Variants in FAM227A observed in about 807,000 individuals in gnomAD.
FAM227A encodes protein FAM227A.
A neutral mutation model predicts 74.7 loss-of-function variants in FAM227A; 80 were observed. That is an observed-to-expected ratio of 1.07 (90% CI 0.89 to 1.29). FAM227A has a LOEUF of 1.29. Ranked by LOEUF, FAM227A falls within the 50% of genes most tolerant of loss-of-function variation. The pLI, the probability that FAM227A is intolerant of heterozygous loss-of-function variation, is 0.00. For missense variants in FAM227A, 654 were observed against 683.4 expected, an observed-to-expected ratio of 0.96 and a Z score of 0.48; for synonymous variants, 237 against 241.8, an observed-to-expected ratio of 0.98 and a Z score of 0.19.
chr22:38,628,209 T>A (rs1180018053), intron 8 of FAM227A, 29 bp downstream of exon 8: 1 of 1,351,482 alleles, frequency 7.4e-7, no homozygotes, highest in Non-Finnish European at 1.0e-6. Context: ...CTAATGTGAC[T>A]TTTTTTCTAG....
rs1350488237 is a variant in FAM227A at position 38,607,475 on chromosome 22, G to A, written c.1040C>T (p.Ser347Phe). 3.9e-6 allele frequency: 6 copies of A among 1,543,724 alleles called. No individual in the cohort carries two copies. The highest frequency in any genetic ancestry group is 4.4e-6 in the Non-Finnish European group (5 of 1,139,958). Reference protein sequence around the residue: ...AQSRKFYHPQSSSANSPSEKT... With the variant: ...AQSRKFYHPQFSSANSPSEKT... Reference sequence around the variant, plus strand: ...TTCACTGGGTGAATTTGCACTAGAAGACTTCAGGAGACAAGAGAGAGAAAG... The same window carrying A: ...TTCACTGGGTGAATTTGCACTAGAAAACTTCAGGAGACAAGAGAGAGAAAG... The change falls in exon 12 of 17, where the codon TCT (serine) becomes TTT (phenylalanine). Residue 347 changes from serine to phenylalanine, a missense_variant and splice_region_variant. Physicochemically the swap from Ser to Phe is radical, Grantham distance 155. Coordinates refer to ENST00000535113, the MANE Select transcript of FAM227A (RefSeq NM_001013647.2).
rs1384689186 is a variant in FAM227A at position 38,638,817 on chromosome 22, T to A, written c.301A>T (p.Arg101Ter). 1 of 1,533,480 alleles carries A rather than the reference T, an allele frequency of 6.5e-7. No homozygotes were observed. Among genetic ancestry groups the A allele is most frequent in the Non-Finnish European group, 8.8e-7 (1 of 1,140,154 alleles). 95.0% of individuals were successfully genotyped at this position (1,533,480 alleles called of 1,614,324 possible). A position where few individuals can be genotyped will look rare whatever the true frequency, so the allele number is the denominator to read the frequency against. The change falls in exon 5 of 17, where the codon AGA becomes TGA. Residue 101 changes from arginine to a stop codon, truncating the protein, a stop_gained. Transcript: ENST00000535113. LOFTEE classifies it high-confidence loss of function. ...CAGGAATACTGAGATTTCCTTTGTC[T>A]CTTGACTGCAGAAAAATGGAGAAAG... ...TRSSPEDKVK[R>*]QRKSQYSCKG... is the part of the protein sequence containing the mutation.
chr22:38,611,262 T>TGA (rs138217608), intron 11 of FAM227A, among the ~76,000 whole-genome samples: 3,283 of 152,222 alleles, frequency 0.022, 120 homozygotes, highest in African/African-American at 0.073. Context: ...TTCAGCACGC[T>TGA]GAGGGCTCAG....
rs936296330 is a variant in FAM227A at position 38,586,190 on chromosome 22, C to T, written c.1648G>A (p.Gly550Arg). The T allele has an allele frequency of 2.6e-6, 4 of 1,551,148 alleles. No homozygotes were observed. The highest frequency in any genetic ancestry group is 3.5e-6 in the Non-Finnish European group (4 of 1,146,902). ...GTTTCTCTTCTCTTTCCCTCTCCTC[C>T]TTTCCCCTCCTGTGGGGGAAACAAA... ...SPDKKTKEGK[G>R]GEGKRRETEV... The change falls in exon 17 of 17, where the codon GGA becomes AGA. Residue 550 changes from glycine (G) to arginine (R), a missense_variant. Transcript: ENST00000535113.
intron 15 of FAM227A, among the ~76,000 whole-genome samples, chr22:38,593,623 G>A (rs554422403): frequency 2.0e-5 from 3 of 152,190 alleles, no homozygotes; most frequent in Non-Finnish European, 4.4e-5. Flanking sequence ...TCTCCATCCC[G>A]ACCCTCTCCT....
intron 1 of FAM227A, among the ~76,000 whole-genome samples, chr22:38,651,027 C>T (rs1210939381): frequency 2.0e-5 from 3 of 152,192 alleles, no homozygotes; most frequent in African/African-American, 2.4e-5. Context: ...CCTTCCCTCT[C>T]CTCCGGTTCA....
At chr22:38,624,505 C>T (rs2091756604) in intron 9 of FAM227A, among the ~76,000 whole-genome samples, 1 of 152,190 alleles carries the variant, frequency 6.6e-6, no homozygotes, top group Admixed American at 6.5e-5. Flanking sequence ...GGGAACCTGG[C>T]TAGTAAACAG....
At chr22:38,591,263 G>C (rs574320819) in intron 16 of FAM227A, 172 bp downstream of exon 16, 2 of 1,265,984 alleles carry the variant, frequency 1.6e-6, no homozygotes, top group African/African-American at 3.1e-5. Context: ...GGTGGAGGCT[G>C]CAGTGAGCTA....
chr22:38,591,953 CT>C (rs112701206), intron 15 of FAM227A, among the ~76,000 whole-genome samples: 241 of 143,196 alleles, frequency 1.7e-3, no homozygotes, highest in Non-Finnish European at 1.8e-3. Flanking sequence ...ATCTTTTTTT[CT>C]TTTTTTTTTT....
Position 38,597,229 on chromosome 22 carries a change from T to C in FAM227A, c.1507A>G (p.Lys503Glu). Residue 503 changes from lysine (K) to glutamate (E), a missense_variant, in exon 15 of 17, where the codon AAG becomes GAG. Lys to Glu is a moderately conservative substitution (Grantham distance 56, BLOSUM62 1). Transcript: ENST00000535113. ...TEWNYFDKHL[K>E]ELQDNFSREM... ...CTGGAGAAGTTGTCTTGCAGCTCCT[T>C]TAGATGCTTGTCAAAATAATTCCAT... The C allele has an allele frequency of 6.4e-7, 1 of 1,552,252 alleles. No individual in the cohort carries two copies. Among genetic ancestry groups the C allele is most frequent in the Non-Finnish European group, 8.7e-7 (1 of 1,147,078 alleles).
At chr22:38,647,216 G>A (rs924629084) in intron 2 of FAM227A, among the ~76,000 whole-genome samples, 8 of 152,010 alleles carry the variant, frequency 5.3e-5, no homozygotes, top group African/African-American at 1.9e-4. Context: ...TGTAATCTCA[G>A]CCCTTTGGGA....
chr22:38,647,421 G>A lies in FAM227A; in HGVS notation c.143-1776C>T, dbSNP rs531438792. Among the ~76,000 whole-genome samples, 8 of 152,060 alleles carry A rather than the reference G, an allele frequency of 5.3e-5. No homozygotes were observed. The South Asian group carries it at 6.2e-4, about 12-fold the overall frequency. On this transcript the variant is annotated intron_variant, in intron 2 of 16. Coordinates refer to ENST00000535113, the MANE Select transcript of FAM227A (RefSeq NM_001013647.2). ...GGACGTTGCAGTGAGCTGAGATTGC[G>A]CCACTGCACTCCAGCCTGAGTGACA...
chr22:38,598,003 A>G (rs1023290236), intron 14 of FAM227A, among the ~76,000 whole-genome samples: 2 of 143,994 alleles, frequency 1.4e-5, no homozygotes, highest in Non-Finnish European at 3.0e-5. Context: ...AAATCGCGCC[A>G]CTGCACTCCA....
chr22:38,636,195 C>T (rs1204975001), intron 6 of FAM227A, among the ~76,000 whole-genome samples: 1 of 152,072 alleles, frequency 6.6e-6, no homozygotes, highest in East Asian at 1.9e-4. Context: ...TATAAACAGA[C>T]ACGTTTCAAT....
intron 4 of FAM227A, among the ~76,000 whole-genome samples, chr22:38,639,157 C>G (rs562835554): frequency 5.5e-4 from 84 of 152,280 alleles, no homozygotes; most frequent in African/African-American, 2.0e-3. Flanking sequence ...CACCTGTAAT[C>G]CCAGCACTTT....
chr22:38,596,890 A>G (rs996833580), intron 15 of FAM227A, among the ~76,000 whole-genome samples: 4 of 151,988 alleles, frequency 2.6e-5, no homozygotes, highest in African/African-American at 9.7e-5. Context: ...ATGGGCCCAG[A>G]AAAAAAAGAC....
At chr22:38,619,137 G>A (rs528043878) in intron 11 of FAM227A, among the ~76,000 whole-genome samples, 2 of 152,094 alleles carry the variant, frequency 1.3e-5, no homozygotes, top group African/African-American at 2.4e-5. Flanking sequence ...CATACAGAAA[G>A]GGAGTGTGGT....
intron 11 of FAM227A, among the ~76,000 whole-genome samples, chr22:38,613,298 T>C (rs1396888844): frequency 6.3e-4 from 49 of 77,770 alleles, no homozygotes; most frequent in South Asian, 2.5e-3. Context: ...ATATATATCA[T>C]ATATAATATA....
chr22:38,642,044 C>T lies in FAM227A; in HGVS notation c.226-2320G>A, dbSNP rs143341616. ...TGTATTTTTTCCCAATAAAAATGTA[C>T]CAAAATTAACCTTCAGACTTCTCAT... On this transcript the variant is annotated intron_variant, in intron 3 of 16. Transcript: ENST00000535113. 8.6e-3 allele frequency among the ~76,000 whole-genome samples: 1,303 copies of T among 152,074 alleles called. 16 individuals are homozygous for T. Among genetic ancestry groups the T allele is most frequent in the African/African-American group, 0.029 (1,214 of 41,476 alleles).
Sources: gnomAD v4.1 joint callset for allele counts (sites outside exome capture counted in the v4.1 genomes callset) on GRCh38, gnomAD v4.1.1 for gene constraint, MANE v1.5 for transcripts, NCBI Gene and HGNC (gene_info 2026-07-23, HGNC 2026-07-21) for gene names.